Variants in ZSCAN25 observed in about 807,000 individuals in gnomAD.
ZSCAN25 encodes zinc finger and SCAN domain containing 25.
A neutral mutation model predicts 38.7 loss-of-function variants in ZSCAN25; 27 were observed. That is an observed-to-expected ratio of 0.70 (90% CI 0.51 to 0.96). The LOEUF is 0.96. ZSCAN25 is among the 40% of genes least tolerant of loss of function. ZSCAN25 has a pLI of 0.00. For missense variants in ZSCAN25, 637 were observed against 705.9 expected (o/e 0.90, Z 1.11); for synonymous variants, 273 against 277.7 (o/e 0.98, Z 0.17).
chr7:99,717,500 A>G, the ZSCAN25 span: 1 of 1,612,804 alleles, frequency 6.2e-7, no homozygotes, highest in South Asian at 1.1e-5. Context: ...TTAAGTTTCT[A>G]ATTAAAACCC....
intron 4 of ZSCAN25, 166 bp from the exon 5 acceptor site, chr7:99,621,207 C>A: frequency 1.9e-6 from 1 of 516,380 alleles, no homozygotes; most frequent in Non-Finnish European, 3.0e-6. Flanking sequence ...GCTTCCTTTT[C>A]ACTTCCTCAC....
chr7:99,645,228 A>G, the ZSCAN25 span, among the ~76,000 whole-genome samples: 1 of 152,114 alleles, frequency 6.6e-6, no homozygotes, highest in Non-Finnish European at 1.5e-5. Context: ...TGACCTCGTT[A>G]TCTGCCCACC....
chr7:99,701,809 A>G, the ZSCAN25 span, among the ~76,000 whole-genome samples: 1 of 152,188 alleles, frequency 6.6e-6, no homozygotes, highest in Admixed American at 6.5e-5. Flanking sequence ...AATTTTTTCC[A>G]AAGAGTTGTT....
At chr7:99,709,839 C>T in the ZSCAN25 span, among the ~76,000 whole-genome samples, 2 of 151,364 alleles carry the variant, frequency 1.3e-5, no homozygotes, top group Non-Finnish European at 2.9e-5. Flanking sequence ...TTGTTATATA[C>T]ATAAAATGTG....
chr7:99,711,187 A>G, the ZSCAN25 span, among the ~76,000 whole-genome samples: 2 of 152,204 alleles, frequency 1.3e-5, no homozygotes, highest in African/African-American at 2.4e-5. Flanking sequence ...ACATTTCTGC[A>G]TAACATACTC....
chr7:99,714,636 A>C, the ZSCAN25 span: 1 of 1,612,192 alleles, frequency 6.2e-7, no homozygotes, highest in Non-Finnish European at 8.5e-7. Context: ...TTGGAAACAC[A>C]GTGATATTTA....
At chr7:99,721,399 T>A in the ZSCAN25 span, among the ~76,000 whole-genome samples, 1 of 152,174 alleles carries the variant, frequency 6.6e-6, no homozygotes. Flanking sequence ...AAAGTTGAAA[T>A]GAAAGAGTTT....
At chr7:99,652,347 G>C in the ZSCAN25 span, 1 of 416,692 alleles carries the variant, frequency 2.4e-6, no homozygotes, top group Non-Finnish European at 4.2e-6. Context: ...GATTATCTTT[G>C]TCTTGTGCTG....
the ZSCAN25 span, chr7:99,707,992 G>T: frequency 6.2e-7 from 1 of 1,613,656 alleles, no homozygotes; most frequent in South Asian, 1.1e-5. Flanking sequence ...CATATTGGTA[G>T]ATATTTTAAA....
At position 99,630,913 on chromosome 7, in the gene ZSCAN25, T is replaced by A. The variant is rs1032327231; in HGVS notation, c.*893T>A. The A allele has an allele frequency of 1.0e-6, 1 of 977,244 alleles. No individual in the cohort carries two copies. The highest frequency in any genetic ancestry group is 1.8e-5 in the African/African-American group (1 of 57,112). 60.5% of individuals were successfully genotyped at this position (977,244 alleles called of 1,614,324 possible). ...AATGAGTCTGAAAGATGAACTCTAG[T>A]ATTAATGCCCTATATTTGATGGCAC... On this transcript the variant is annotated 3_prime_UTR_variant, in exon 8 of 8. Transcript: ENST00000394152.
chr7:99,624,439 C>T (rs1293948947), intron 7 of ZSCAN25: 3 of 486,878 alleles, frequency 6.2e-6, no homozygotes, highest in Non-Finnish European at 7.5e-6. Context: ...CAAACACCTA[C>T]ATTGTGTCCA....
the ZSCAN25 span, chr7:99,674,343 C>CG: frequency 2.1e-6 from 1 of 468,532 alleles, no homozygotes; most frequent in South Asian, 5.2e-5. Context: ...TAGTTTATAA[C>CG]GGCAAGCAGA....
the ZSCAN25 span, chr7:99,670,857 G>T: frequency 4.6e-5 from 7 of 152,126 alleles, no homozygotes; most frequent in African/African-American, 1.7e-4. Flanking sequence ...GATACTGATG[G>T]ATTAGTTTCT....
chr7:99,684,935 G>T, the ZSCAN25 span: 1 of 412,804 alleles, frequency 2.4e-6, no homozygotes, highest in Admixed American at 3.9e-5. Flanking sequence ...GCACTGATTT[G>T]GTCACTTCCT....
At chr7:99,661,752 A>G in the ZSCAN25 span, among the ~76,000 whole-genome samples, 4 of 152,342 alleles carry the variant, frequency 2.6e-5, no homozygotes, top group South Asian at 2.1e-4. Context: ...GGTAAATTCA[A>G]CCATCCAATT....
At chr7:99,651,462 A>G in the ZSCAN25 span, among the ~76,000 whole-genome samples, 2 of 152,190 alleles carry the variant, frequency 1.3e-5, no homozygotes, top group African/African-American at 4.8e-5. Context: ...GTGCAGCCAC[A>G]GGAGGTGGAA....
the ZSCAN25 span, among the ~76,000 whole-genome samples, chr7:99,654,363 A>C: frequency 6.6e-6 from 1 of 152,168 alleles, no homozygotes; most frequent in Admixed American, 6.5e-5. Flanking sequence ...TAGTTTGCTG[A>C]GAATGATGGT....
chr7:99,619,682 G>A lies in ZSCAN25; in HGVS notation c.76G>A (p.Glu26Lys). 1.2e-6 allele frequency: 2 copies of A among 1,614,270 alleles called. No individual in the cohort carries two copies. The highest frequency in any genetic ancestry group is 1.7e-6 in the Non-Finnish European group (2 of 1,180,046). The part of the protein sequence containing the change: ...LGIPVVKLEK[E>K]LPWGRGREDP... ...TATTCCTGTGGTGAAACTGGAGAAA[G>A]AGTTGCCATGGGGCAGAGGAAGGGA... The change falls in exon 4 of 8, where the codon GAG becomes AAG. Residue 26 changes from glutamate (E) to lysine (K), a missense_variant. Glu to Lys is a moderately conservative substitution (Grantham distance 56, BLOSUM62 1). Transcript: ENST00000394152.
chr7:99,716,000 C>T, the ZSCAN25 span: 1 of 1,607,816 alleles, frequency 6.2e-7, no homozygotes, highest in Non-Finnish European at 8.5e-7. Flanking sequence ...CCAGTCAAGA[C>T]AGACAAACAG....
Sources: gnomAD v4.1 joint callset for allele counts (sites outside exome capture counted in the v4.1 genomes callset) on GRCh38, gnomAD v4.1.1 for gene constraint, MANE v1.5 for transcripts, NCBI Gene and HGNC (gene_info 2026-07-23, HGNC 2026-07-21) for gene names.